GPHN: variants seen among roughly 807,000 people sequenced by gnomAD.
GPHN encodes gephyrin.
GPHN carries 17 observed loss-of-function variants against 95.5 expected under a neutral mutation model. The ratio of observed to expected loss-of-function variants is 0.18; its 90% CI spans 0.12 to 0.27. GPHN has a LOEUF of 0.27. Among genes scored for constraint, GPHN ranks in the 10% least tolerant of loss-of-function variants. The probability of loss-of-function intolerance (pLI) is 1.00; values close to 1 mark genes in which losing one functional copy is unlikely to be tolerated. For synonymous variants in GPHN, 320 were observed against 322.5 expected, an observed-to-expected ratio of 0.99 and a Z score of 0.08; for missense variants, 660 against 978.1, an observed-to-expected ratio of 0.67 and a Z score of 4.34.
chr14:66,924,073 G>T, intron 7 of GPHN, 121 bp from the exon 8 acceptor site: 1 of 695,906 alleles, frequency 1.4e-6, no homozygotes, highest in Non-Finnish European at 2.6e-6. Flanking sequence ...TCTACATTTG[G>T]AAAATGTTAG....
intron 13 of GPHN, among the ~76,000 whole-genome samples, chr14:67,101,679 A>G (rs1454727703): frequency 6.6e-6 from 1 of 151,602 alleles, no homozygotes; most frequent in Admixed American, 6.6e-5. Context: ...CTTGCAATAC[A>G]TAGAAGAGCA....
At chr14:67,703,696 G>A in the GPHN span, among the ~76,000 whole-genome samples, 2 of 151,988 alleles carry the variant, frequency 1.3e-5, no homozygotes, top group Non-Finnish European at 2.9e-5. Flanking sequence ...ATTTTTCCGA[G>A]ACAGAGTTTC....
intron 21 of GPHN, 40 bp downstream of exon 21, chr14:67,169,076 G>C (rs1333183063): frequency 8.5e-7 from 1 of 1,176,812 alleles, no homozygotes; most frequent in South Asian, 1.2e-5. Flanking sequence ...ATGGAAGCCT[G>C]GTAACAGTTA....
At chr14:66,686,618 T>A (rs1452535803) in intron 2 of GPHN, among the ~76,000 whole-genome samples, 1 of 152,064 alleles carries the variant, frequency 6.6e-6, no homozygotes. Context: ...GAGACTTTGC[T>A]GAATTTGCTT....
intron 2 of GPHN, among the ~76,000 whole-genome samples, chr14:66,741,481 A>G (rs2072788420): frequency 6.6e-6 from 1 of 152,128 alleles, no homozygotes; most frequent in African/African-American, 2.4e-5. Context: ...ATTCAATATT[A>G]GGAAGTCCAT....
At chr14:66,538,160 A>G (rs1432046420) in intron 1 of GPHN, among the ~76,000 whole-genome samples, 3 of 152,108 alleles carry the variant, frequency 2.0e-5, no homozygotes, top group African/African-American at 4.8e-5. Context: ...AGCACTTCAG[A>G]TATGTAATTC....
the GPHN span, among the ~76,000 whole-genome samples, chr14:67,209,059 T>C: frequency 7.5e-4 from 115 of 152,350 alleles, no homozygotes; most frequent in Non-Finnish European, 1.2e-3. Context: ...AATGGTATCA[T>C]TGCCTCATTT....
the GPHN span, among the ~76,000 whole-genome samples, chr14:67,324,818 C>G: frequency 6.6e-6 from 1 of 151,062 alleles, no homozygotes; most frequent in East Asian, 2.0e-4. Context: ...CTCCTGGCCT[C>G]AAGAAACCCT....
At chr14:67,351,911 C>CAAAAAAAAAAAAA in the GPHN span, among the ~76,000 whole-genome samples, 33 of 128,056 alleles carry the variant, frequency 2.6e-4, no homozygotes, top group East Asian at 1.6e-3. Flanking sequence ...GAACCTCTAC[C>CAAAAAAAAAAAAA]AAAAAAAAAA....
chr14:66,671,588 A>T (rs1009394561), intron 1 of GPHN, among the ~76,000 whole-genome samples: 1 of 152,196 alleles, frequency 6.6e-6, no homozygotes, highest in Non-Finnish European at 1.5e-5. Context: ...GATTGATTAC[A>T]TTAATACCAT....
chr14:67,235,479 G>A, the GPHN span, among the ~76,000 whole-genome samples: 6 of 152,106 alleles, frequency 3.9e-5, no homozygotes, highest in Admixed American at 6.6e-5. Flanking sequence ...ACTTTGGGAG[G>A]CCGAGGCGGG....
rs201263827 is a variant in GPHN, at chr14:67,116,704, AT to A, written c.1626+3534del. On this transcript the variant is annotated intron_variant, in intron 16 of 22. Coordinates refer to ENST00000478722, the MANE Select transcript of GPHN (RefSeq NM_020806.5). ...ACTTCACAGGACAGGTTTTAAGCCAATCAAATCTGTCCAGAGTCATCTTAAT... is the reference window on the plus strand; with the variant it reads ...ACTTCACAGGACAGGTTTTAAGCCAACAAATCTGTCCAGAGTCATCTTAAT... Among the ~76,000 whole-genome samples, 125 of 152,328 alleles carry A rather than the reference AT, an allele frequency of 8.2e-4. No individual in the cohort carries two copies. In the East Asian group the frequency reaches 0.02, roughly 25 times the overall value.
chr14:66,827,310 G>A (rs146768929), intron 4 of GPHN, among the ~76,000 whole-genome samples: 2 of 151,872 alleles, frequency 1.3e-5, no homozygotes, highest in African/African-American at 2.4e-5. Context: ...GGTGAGGGGG[G>A]TGCAGAGGTT....
At chr14:66,691,416 CCTGT>C (rs2067771786) in intron 2 of GPHN, among the ~76,000 whole-genome samples, 1 of 151,840 alleles carries the variant, frequency 6.6e-6, no homozygotes, top group Non-Finnish European at 1.5e-5. Context: ...ATCTCCTGAC[CCTGT>C]GATTCACCTG....
At chr14:67,443,473 G>T in the GPHN span, among the ~76,000 whole-genome samples, 5 of 152,186 alleles carry the variant, frequency 3.3e-5, no homozygotes, top group Admixed American at 1.3e-4. Flanking sequence ...AGGCACAAAG[G>T]GTAGGAGGGC....
At chr14:66,714,523 C>T (rs969732783) in intron 2 of GPHN, among the ~76,000 whole-genome samples, 2 of 150,430 alleles carry the variant, frequency 1.3e-5, no homozygotes, top group African/African-American at 4.9e-5. Context: ...GCTAGGACTT[C>T]GTGGTGAGAG....
chr14:67,138,639 G>T (rs1034759479), intron 17 of GPHN, among the ~76,000 whole-genome samples: 3 of 152,072 alleles, frequency 2.0e-5, no homozygotes, highest in Non-Finnish European at 4.4e-5. Context: ...ATACATGGGT[G>T]TTTGTTATAC....
chr14:66,965,185 G>T lies in GPHN; in HGVS notation c.829-6G>T. ...ATATTAAACCATAGTTGTTCCCCTT[G>T]TTCAGATTCCAGACTCCATCATTTC... On this transcript the variant is annotated splice_polypyrimidine_tract_variant and splice_region_variant and intron_variant, in intron 8 of 22. Coordinates refer to ENST00000478722, the MANE Select transcript of GPHN (RefSeq NM_020806.5). 6.2e-7 allele frequency: 1 copy of T among 1,610,162 alleles called. No homozygotes were observed. Among genetic ancestry groups the T allele is most frequent in the South Asian group, 1.1e-5 (1 of 91,016 alleles).
At chr14:67,726,008 G>T in the GPHN span, 6 of 1,319,142 alleles carry the variant, frequency 4.5e-6, no homozygotes, top group South Asian at 7.0e-5. Flanking sequence ...GCAGCTAGGG[G>T]ACTCCTTGCT....
Sources: allele counts gnomAD v4.1 joint callset (sites outside exome capture counted in the v4.1 genomes callset), GRCh38; gene constraint gnomAD v4.1.1; transcripts MANE v1.5; gene names NCBI Gene and HGNC (gene_info 2026-07-23, HGNC 2026-07-21).